AP4E1: variants seen among roughly 807,000 people sequenced by gnomAD.
AP4E1 encodes adaptor related protein complex 4 subunit epsilon 1.
A neutral mutation model predicts 128.2 loss-of-function variants in AP4E1; 56 were observed. That is an observed-to-expected ratio of 0.44 (90% CI 0.35 to 0.55). AP4E1 has a LOEUF of 0.55. Ranked by LOEUF, AP4E1 falls within the 20% of genes least tolerant of loss-of-function variation. The probability of loss-of-function intolerance (pLI) is 0.00; values close to 1 mark genes in which losing one functional copy is unlikely to be tolerated. For missense variants in AP4E1, 1,324 were observed against 1,307.7 expected (o/e 1.01, Z -0.19); for synonymous variants, 484 against 473.1 (o/e 1.02, Z -0.30).
In AP4E1 at chr15:50,912,138, A is replaced by G. The variant is rs1490232988; in HGVS notation, c.211A>G (p.Thr71Ala). 7 of 1,613,880 alleles carry G rather than the reference A, an allele frequency of 4.3e-6. No homozygotes were observed. The highest frequency in any genetic ancestry group is 5.9e-6 in the Non-Finnish European group (7 of 1,179,924). ...TCTGAAAGCGACTGTTTCTGCTCCT[A>G]CTACAACACTGGTAGGTTTGCATAG... ...SSLKATVSAP[T>A]TTLKMMKECM... is the part of the protein sequence containing the mutation. Residue 71 changes from threonine (T) to alanine (A), a missense_variant, in exon 2 of 21, where the codon ACT becomes GCT. By Grantham distance (58) the Thr-to-Ala change is moderately conservative. Coordinates refer to ENST00000261842, the MANE Select transcript of AP4E1 (RefSeq NM_007347.5).
At chr15:50,985,625 G>A (rs2064710590) in intron 16 of AP4E1, among the ~76,000 whole-genome samples, 1 of 152,154 alleles carries the variant, frequency 6.6e-6, no homozygotes. Flanking sequence ...GGTTGTAGAT[G>A]TGTGGTATTA....
In AP4E1 at chr15:51,004,788, G is replaced by T. The variant is rs999916482; in HGVS notation, c.*2126G>T. On this transcript the variant is annotated 3_prime_UTR_variant, in exon 21 of 21. Coordinates refer to ENST00000261842, the MANE Select transcript of AP4E1 (RefSeq NM_007347.5). ...ACAGATTTTAAGGAACTTCAGAGCA[G>T]TATATATTCTGTCTAAACTCACTGA... The T allele has an allele frequency of 2.6e-5, 4 of 152,428 alleles. No homozygotes were observed. The highest frequency in any genetic ancestry group is 5.9e-5 in the Non-Finnish European group (4 of 68,028). 9.4% of individuals were successfully genotyped at this position (152,428 alleles called of 1,614,324 possible). A position where few individuals can be genotyped will look rare whatever the true frequency, so the allele number is the denominator to read the frequency against.
intron 2 of AP4E1, among the ~76,000 whole-genome samples, chr15:50,912,762 A>G (rs2063580659): frequency 6.6e-6 from 1 of 151,470 alleles, no homozygotes; most frequent in African/African-American, 2.4e-5. Context: ...TCCTGGATTC[A>G]ACCGATTCTC....
intron 13 of AP4E1, among the ~76,000 whole-genome samples, chr15:50,952,838 T>C (rs556487739): frequency 3.8e-4 from 58 of 152,344 alleles, no homozygotes; most frequent in Non-Finnish European, 6.9e-4. Flanking sequence ...GAATACTACA[T>C]AGGCAATGTT....
At chr15:50,945,599 A>G in intron 10 of AP4E1, 1 of 750,928 alleles carries the variant, frequency 1.3e-6, no homozygotes, top group Non-Finnish European at 2.4e-6. Flanking sequence ...CCTATAGACA[A>G]AAGTTGAAGC....
intron 3 of AP4E1, among the ~76,000 whole-genome samples, chr15:50,923,712 T>G (rs1346870895): frequency 1.3e-5 from 2 of 152,194 alleles, no homozygotes; most frequent in Non-Finnish European, 1.5e-5. Context: ...CTATTCCGTT[T>G]CTGGAATATC....
intron 19 of AP4E1, among the ~76,000 whole-genome samples, chr15:50,999,749 T>G (rs1255366494): frequency 6.6e-6 from 1 of 152,090 alleles, no homozygotes; most frequent in African/African-American, 2.4e-5. Flanking sequence ...ATGTGCACAA[T>G]GTGTAGGTTA....
chr15:50,931,004 C>G, intron 7 of AP4E1, 33 bp downstream of exon 7: 1 of 1,610,716 alleles, frequency 6.2e-7, no homozygotes, highest in East Asian at 2.2e-5. Context: ...GCTTAATGAC[C>G]CCCATACCAG....
intron 13 of AP4E1, among the ~76,000 whole-genome samples, chr15:50,957,338 C>T (rs957202887): frequency 1.3e-5 from 2 of 152,126 alleles, no homozygotes; most frequent in African/African-American, 4.8e-5. Flanking sequence ...GTTACGCTGT[C>T]AAGCTGTCCC....
intron 14 of AP4E1, among the ~76,000 whole-genome samples, chr15:50,961,445 G>GT (rs1376754543): frequency 1.3e-5 from 2 of 151,830 alleles, no homozygotes; most frequent in South Asian, 2.1e-4. Flanking sequence ...TGCAAGGATG[G>GT]TTGAACATAC....
At chr15:50,910,337 A>G (rs1396415945) in intron 1 of AP4E1, among the ~76,000 whole-genome samples, 2 of 152,214 alleles carry the variant, frequency 1.3e-5, no homozygotes, top group East Asian at 3.8e-4. Context: ...TCACAGCTAC[A>G]AGGAGTTTAT....
intron 10 of AP4E1, among the ~76,000 whole-genome samples, chr15:50,943,697 C>T (rs1257631347): frequency 6.6e-6 from 1 of 152,114 alleles, no homozygotes; most frequent in Non-Finnish European, 1.5e-5. Flanking sequence ...TGTTCTAATA[C>T]ACCCATTGGA....
rs371993758 is a variant in AP4E1 at position 50,993,453 on chromosome 15, A to G, written c.2174A>G (p.Asp725Gly). The G allele has an allele frequency of 1.5e-5, 25 of 1,614,010 alleles. No individual in the cohort carries two copies. The highest frequency in any genetic ancestry group is 2.1e-5 in the Non-Finnish European group (25 of 1,179,984). ...YLPKKESKTGDESGALPVPQE... is the reference protein window; with the variant it reads ...YLPKKESKTGGESGALPVPQE... Reference sequence around the variant, plus strand: ...CCCAAGAAGGAAAGCAAAACTGGTGATGAAAGTGGAGCTCTGCCTGTTCCT... The same window carrying G: ...CCCAAGAAGGAAAGCAAAACTGGTGGTGAAAGTGGAGCTCTGCCTGTTCCT... Residue 725 changes from aspartate to glycine, a missense_variant, in exon 17 of 21, where the codon GAT becomes GGT. Transcript: ENST00000261842.
At chr15:50,962,889 C>CAAAAAGAAAAAAAAAAAAAAAAAAA (rs2064335621) in intron 14 of AP4E1, among the ~76,000 whole-genome samples, 1 of 38,718 alleles carries the variant, frequency 2.6e-5, no homozygotes, top group African/African-American at 1.1e-4. Flanking sequence ...AATTCAACAG[C>CAAAAAGAAAAAAAAAAAAAAAAAAA]AAAAAAAAAA....
chr15:50,960,924 C>A (rs2064304157), intron 14 of AP4E1, among the ~76,000 whole-genome samples: 2 of 151,200 alleles, frequency 1.3e-5, no homozygotes, highest in African/African-American at 4.9e-5. Context: ...TAAGTAAAAC[C>A]AGAAACAAAA....
chr15:50,948,838 G>A (rs1290495224), intron 11 of AP4E1, among the ~76,000 whole-genome samples: 1 of 151,992 alleles, frequency 6.6e-6, no homozygotes, highest in Admixed American at 6.6e-5. Flanking sequence ...CGGGCATGGT[G>A]GCGCATGCCT....
At chr15:50,937,371 A>G (rs185736121) in intron 8 of AP4E1, among the ~76,000 whole-genome samples, 1 of 152,198 alleles carries the variant, frequency 6.6e-6, no homozygotes, top group East Asian at 1.9e-4. Context: ...ATTTTTATGG[A>G]AGCTCTATTA....
intron 14 of AP4E1, 148 bp downstream of exon 14, chr15:50,958,942 C>T (rs2064272158): frequency 2.2e-6 from 2 of 901,622 alleles, no homozygotes; most frequent in East Asian, 5.2e-5. Context: ...ATTAGTATGA[C>T]AGGGAATCTG....
In AP4E1 at chr15:50,968,267, A is replaced by T; in HGVS notation, c.1856A>T (p.Asp619Val). 1 of 1,610,436 alleles carries T rather than the reference A, an allele frequency of 6.2e-7. No individual in the cohort carries two copies. The highest frequency in any genetic ancestry group is 8.5e-7 in the Non-Finnish European group (1 of 1,177,372). Residue 619 changes from aspartate to valine, a missense_variant, in exon 15 of 21, where the codon GAT becomes GTT. By Grantham distance (152) the Asp-to-Val change is radical (BLOSUM62 -3). Transcript: ENST00000261842. ...TTTTGCTTAATTTTAATATAGGTAG[A>T]TGCTTCTTTATCTTTTCTGGATGGT... ...VDRSCEDLVV[D>V]ASLSFLDGFV...
Sources: allele counts gnomAD v4.1 joint callset (sites outside exome capture counted in the v4.1 genomes callset), GRCh38; gene constraint gnomAD v4.1.1; transcripts MANE v1.5; gene names NCBI Gene and HGNC (gene_info 2026-07-23, HGNC 2026-07-21).